LPP: variants seen among roughly 807,000 people sequenced by gnomAD.
The protein encoded by LPP is LIM domain containing preferred translocation partner in lipoma.
LPP carries 38 observed loss-of-function variants against 60.4 expected under a neutral mutation model. The observed-to-expected ratio is 0.63, with a 90% CI of 0.49 to 0.83. LPP has a LOEUF of 0.83. Among genes scored for constraint, LPP ranks in the 40% least tolerant of loss-of-function variants. The pLI, the probability that LPP is intolerant of heterozygous loss-of-function variation, is 0.00. For missense variants in LPP, 902 were observed against 783.6 expected, an observed-to-expected ratio of 1.15 and a Z score of -1.80; for synonymous variants, 328 against 290.8, an observed-to-expected ratio of 1.13 and a Z score of -1.30.
intron 1 of LPP, among the ~76,000 whole-genome samples, chr3:188,181,358 A>G (rs948747175): frequency 2.0e-5 from 3 of 151,652 alleles, no homozygotes; most frequent in Non-Finnish European, 4.4e-5. Context: ...GTCTCAAAAA[A>G]AAAAAAAAAA....
intron 8 of LPP, among the ~76,000 whole-genome samples, chr3:188,732,032 T>A (rs1028709933): frequency 2.0e-5 from 3 of 152,232 alleles, no homozygotes; most frequent in Non-Finnish European, 4.4e-5. Flanking sequence ...GAGGAAAAGC[T>A]GTTCACCCCG....
At chr3:188,508,059 T>G (rs1814093447) in intron 5 of LPP, among the ~76,000 whole-genome samples, 1 of 152,172 alleles carries the variant, frequency 6.6e-6, no homozygotes, top group Non-Finnish European at 1.5e-5. Flanking sequence ...ACTCAAGTGA[T>G]CAGAAATGGT....
At position 188,594,097 on chromosome 3, in the gene LPP, C is replaced by T. The variant is rs190377858; in HGVS notation, c.430-15064C>T. On this transcript the variant is annotated intron_variant, in intron 6 of 11. Coordinates refer to ENST00000617246, the MANE Select transcript of LPP (RefSeq NM_001375462.1). The stretch of plus-strand genomic sequence containing the variant: ...AGGAATATTAGAACATGGCCCCCTT[C>T]CTGAGTTATATAGCTTAGAACAATG... Among the ~76,000 whole-genome samples the T allele has an allele frequency of 3.3e-4, 50 of 152,216 alleles. 2 individuals are homozygous for T. The highest frequency in any genetic ancestry group is 3.1e-3 in the Admixed American group (48 of 15,282).
chr3:188,668,607 A>C (rs942501923), intron 7 of LPP, among the ~76,000 whole-genome samples: 1 of 152,212 alleles, frequency 6.6e-6, no homozygotes, highest in Non-Finnish European at 1.5e-5. Flanking sequence ...GCAAGATTGA[A>C]AGTTAGATCC....
intron 2 of LPP, among the ~76,000 whole-genome samples, chr3:188,276,930 G>T (rs1344671353): frequency 9.2e-6 from 1 of 108,840 alleles, no homozygotes; most frequent in Non-Finnish European, 1.7e-5. Flanking sequence ...GGAGAGACAG[G>T]TCTTACTCTG....
At chr3:188,331,664 C>T (rs989456786) in intron 2 of LPP, among the ~76,000 whole-genome samples, 7 of 152,128 alleles carry the variant, frequency 4.6e-5, no homozygotes, top group African/African-American at 1.4e-4. Flanking sequence ...TTGGTGCTTT[C>T]CCCATTTCTA....
At chr3:188,332,889 T>C (rs1760507845) in intron 2 of LPP, among the ~76,000 whole-genome samples, 1 of 152,076 alleles carries the variant, frequency 6.6e-6, no homozygotes, top group African/African-American at 2.4e-5. Flanking sequence ...ATGTGTTATC[T>C]TTGGCTCCTC....
chr3:188,729,291 G>A (rs556445699), intron 8 of LPP, among the ~76,000 whole-genome samples: 27 of 152,330 alleles, frequency 1.8e-4, no homozygotes, highest in Middle Eastern at 3.4e-3. Flanking sequence ...AGGATAGAGA[G>A]TCTGGAGTTC....
intron 3 of LPP, among the ~76,000 whole-genome samples, chr3:188,378,978 G>A (rs1454874675): frequency 6.6e-6 from 1 of 152,160 alleles, no homozygotes; most frequent in Non-Finnish European, 1.5e-5. Flanking sequence ...GGTGTGGGCA[G>A]GGCCACTGCT....
At chr3:188,593,703 C>A (rs1839417319) in intron 6 of LPP, among the ~76,000 whole-genome samples, 1 of 152,184 alleles carries the variant, frequency 6.6e-6, no homozygotes. Flanking sequence ...GTTCGGTTTC[C>A]CATTCCTGAG....
At chr3:188,476,191 T>C (rs1803172829) in intron 4 of LPP, among the ~76,000 whole-genome samples, 1 of 152,230 alleles carries the variant, frequency 6.6e-6, no homozygotes, top group Admixed American at 6.5e-5. Context: ...CCATGGGGCT[T>C]CGTGGAGAAG....
chr3:188,568,370 C>T (rs1375138108), intron 6 of LPP: 2 of 151,916 alleles, frequency 1.3e-5, no homozygotes, highest in African/African-American at 4.8e-5. Context: ...ATATAATATA[C>T]TTACCCTTCA....
intron 9 of LPP, among the ~76,000 whole-genome samples, chr3:188,766,885 C>G (rs937748546): frequency 1.3e-5 from 2 of 152,046 alleles, no homozygotes. Flanking sequence ...CAAATGTAAC[C>G]ACACATCTGT....
At chr3:188,586,735 T>TTG (rs1014051467) in intron 6 of LPP, among the ~76,000 whole-genome samples, 7 of 150,834 alleles carry the variant, frequency 4.6e-5, no homozygotes, top group Admixed American at 2.6e-4. Flanking sequence ...AAACATTGTT[T>TTG]TTTTTTTTTT....
In LPP at chr3:188,782,327, T is replaced by A. The variant is rs367553393; in HGVS notation, c.1410+22045T>A. Among the ~76,000 whole-genome samples, 16 of 152,248 alleles carry A rather than the reference T, an allele frequency of 1.1e-4. No homozygotes were observed. The East Asian group carries it at 2.1e-3, about 20-fold the overall frequency. ...CATGTACCTGGAAGCTGAAAAGCAATGTACAGAACCTTTGAATTGGAGAGA... is the reference window on the plus strand; with the variant it reads ...CATGTACCTGGAAGCTGAAAAGCAAAGTACAGAACCTTTGAATTGGAGAGA... On this transcript the variant is annotated intron_variant, in intron 9 of 11. Transcript: ENST00000617246.
intron 3 of LPP, among the ~76,000 whole-genome samples, chr3:188,385,105 G>C (rs1578506526): frequency 6.6e-6 from 1 of 151,880 alleles, no homozygotes; most frequent in Non-Finnish European, 1.5e-5. Context: ...TTGCTGAAAT[G>C]TAACTCCTTG....
chr3:188,686,508 A>G (rs534849405), intron 7 of LPP, among the ~76,000 whole-genome samples: 124 of 152,308 alleles, frequency 8.1e-4, no homozygotes, highest in Non-Finnish European at 2.4e-4. Flanking sequence ...AAGTTAACAC[A>G]GGGCGTGACT....
intron 2 of LPP, among the ~76,000 whole-genome samples, chr3:188,250,406 C>G (rs1220406547): frequency 1.3e-5 from 2 of 152,200 alleles, no homozygotes; most frequent in African/African-American, 4.8e-5. Flanking sequence ...GTCCATCTCT[C>G]CGTCATTGGG....
intron 5 of LPP, among the ~76,000 whole-genome samples, chr3:188,488,357 A>G (rs1215586753): frequency 6.6e-6 from 1 of 151,292 alleles, no homozygotes; most frequent in Admixed American, 6.6e-5. Flanking sequence ...TTGGTTTAAC[A>G]GTTCTCATTT....
Sources: gnomAD v4.1 joint callset for allele counts (sites outside exome capture counted in the v4.1 genomes callset) on GRCh38, gnomAD v4.1.1 for gene constraint, MANE v1.5 for transcripts, NCBI Gene and HGNC (gene_info 2026-07-23, HGNC 2026-07-21) for gene names.